The following ROBO2 variants were observed in gnomAD, a reference collection of about 807,000 sequenced individuals.
The protein encoded by ROBO2 is roundabout guidance receptor 2, also known as roundabout homolog 2.
Under a neutral mutation model 160.8 loss-of-function variants are expected in ROBO2, and 53 were observed. The ratio of observed to expected loss-of-function variants is 0.33; its 90% CI spans 0.26 to 0.41. ROBO2 has a LOEUF of 0.41. Ranked by LOEUF, ROBO2 falls within the 10% of genes least tolerant of loss-of-function variation. The pLI, the probability that ROBO2 is intolerant of heterozygous loss-of-function variation, is 1.00. For synonymous variants in ROBO2, 664 were observed against 611.7 expected (o/e 1.09, Z -1.26); for missense variants, 1,577 against 1,722.4 (o/e 0.92, Z 1.49).
intron 2 of ROBO2, among the ~76,000 whole-genome samples, chr3:76,845,153 A>G (rs2068657899): frequency 6.6e-6 from 1 of 151,990 alleles, no homozygotes; most frequent in Non-Finnish European, 1.5e-5. Flanking sequence ...GTTAAAAAGG[A>G]TAACTTTTAT....
chr3:77,352,522 C>CT (rs2068497650), intron 2 of ROBO2, among the ~76,000 whole-genome samples: 1 of 152,002 alleles, frequency 6.6e-6, no homozygotes, highest in South Asian at 2.1e-4. Flanking sequence ...AATTGCAAGG[C>CT]TACGACATGC....
intron 2 of ROBO2, among the ~76,000 whole-genome samples, chr3:77,189,227 T>C (rs534506427): frequency 6.6e-6 from 1 of 151,992 alleles, no homozygotes; most frequent in South Asian, 2.1e-4. Flanking sequence ...TACTTTGTTT[T>C]GGTTTGAAAT....
chr3:77,457,667 C>G (rs1172017657), intron 2 of ROBO2, among the ~76,000 whole-genome samples: 2 of 151,964 alleles, frequency 1.3e-5, no homozygotes, highest in Non-Finnish European at 2.9e-5. Flanking sequence ...GAAAGACTAT[C>G]CAAAGAAGTA....
At chr3:76,188,328 A>G (rs1989418) in intron 2 of ROBO2, among the ~76,000 whole-genome samples, 116,208 of 151,892 alleles carry the variant, frequency 0.77, 45,705 homozygotes, top group Non-Finnish European at 0.87. Context: ...TTGAACACAG[A>G]GACAGACACA....
intron 2 of ROBO2, among the ~76,000 whole-genome samples, chr3:77,323,674 CT>C (rs1299253185): frequency 6.6e-6 from 1 of 151,974 alleles, no homozygotes; most frequent in African/African-American, 2.4e-5. Flanking sequence ...TTATTCTTGT[CT>C]TTTAAAGATG....
At chr3:76,095,880 TATATA>T (rs1344673015) in intron 2 of ROBO2, among the ~76,000 whole-genome samples, 2 of 151,886 alleles carry the variant, frequency 1.3e-5, no homozygotes, top group Admixed American at 1.3e-4. Flanking sequence ...ATGTGTAAAA[TATATA>T]ATACTAAGCT....
At position 76,567,763 on chromosome 3, in the gene ROBO2, C is replaced by CTGTGTGTGTGTG. The variant is rs71101900; in HGVS notation, c.110-530227_110-530216dup. On this transcript the variant is annotated intron_variant, in intron 2 of 26. Coordinates refer to the ROBO2 transcript ENST00000487694. Reference sequence around the variant, plus strand: ...CTGTTTTATATATATATATATCTGTCTGTGTGTGTGTGTGTGTGTGTGTGT... The same window carrying CTGTGTGTGTGTG: ...CTGTTTTATATATATATATATCTGTCTGTGTGTGTGTGTGTGTGTGTGTGTGTGTGTGTGTGT... Among the ~76,000 whole-genome samples the CTGTGTGTGTGTG allele has an allele frequency of 2.1e-3, 188 of 88,356 alleles. 1 individual carries two copies. Among genetic ancestry groups the CTGTGTGTGTGTG allele is most frequent in the African/African-American group, 5.1e-3 (116 of 22,568 alleles). The allele number at this position is 88,356 out of a possible 152,430, so 58.0% of individuals were successfully genotyped here.
intron 2 of ROBO2, among the ~76,000 whole-genome samples, chr3:76,918,908 C>G (rs1056598792): frequency 6.6e-6 from 1 of 151,616 alleles, no homozygotes; most frequent in Non-Finnish European, 1.5e-5. Context: ...TTGCATTTCT[C>G]TAATGATCAG....
At chr3:77,508,279 A>G (rs904706330) in intron 5 of ROBO2, among the ~76,000 whole-genome samples, 5 of 148,722 alleles carry the variant, frequency 3.4e-5, no homozygotes, top group Non-Finnish European at 7.4e-5. Context: ...ATATGTATTT[A>G]TATAGTATAT....
intron 2 of ROBO2, among the ~76,000 whole-genome samples, chr3:76,252,386 T>C (rs927903988): frequency 6.6e-6 from 1 of 152,092 alleles, no homozygotes; most frequent in Admixed American, 6.6e-5. Flanking sequence ...TTGATGCTGC[T>C]CAATGAATGA....
chr3:77,070,183 A>G (rs535266626), intron 1 of ROBO2, among the ~76,000 whole-genome samples: 2 of 152,288 alleles, frequency 1.3e-5, no homozygotes, highest in Admixed American at 6.5e-5. Flanking sequence ...AATAGAAGGA[A>G]CCAACTCTGC....
chr3:77,400,532 G>A (rs1049840820), intron 2 of ROBO2, among the ~76,000 whole-genome samples: 13 of 152,068 alleles, frequency 8.5e-5, no homozygotes, highest in Admixed American at 2.6e-4. Flanking sequence ...AACACATTCG[G>A]TTCGTTTAAG....
At chr3:77,495,548 C>T (rs1196151260) in intron 5 of ROBO2, among the ~76,000 whole-genome samples, 1 of 152,192 alleles carries the variant, frequency 6.6e-6, no homozygotes, top group Non-Finnish European at 1.5e-5. Flanking sequence ...TCTCTCCAGT[C>T]TCCTCCGTCC....
At chr3:76,477,597 T>G (rs944472263) in intron 2 of ROBO2, among the ~76,000 whole-genome samples, 36 of 152,136 alleles carry the variant, frequency 2.4e-4, no homozygotes, top group African/African-American at 8.7e-4. Flanking sequence ...AAAACTATCT[T>G]AATAACATGT....
rs1231326320 is a variant in ROBO2 at position 77,246,316 on chromosome 3, AGTGTAT to A, written c.388+147987_388+147992del. ...TTGAATTTGGTTACAAACTACTGAG[AGTGTAT>A]GTGTATGTGTGTGTGTGTGTGTGTG... On this transcript the variant is annotated intron_variant, in intron 2 of 25. Transcript: ENST00000461745. Among the ~76,000 whole-genome samples, 14 of 116,540 alleles carry A rather than the reference AGTGTAT, an allele frequency of 1.2e-4. No homozygotes were observed. The East Asian group carries it at 3.4e-3, about 28-fold the overall frequency. The allele number at this position is 116,540 out of a possible 152,430, so 76.5% of individuals were successfully genotyped here.
chr3:77,439,287 C>T (rs1370147921), intron 2 of ROBO2, among the ~76,000 whole-genome samples: 2 of 151,970 alleles, frequency 1.3e-5, no homozygotes, highest in African/African-American at 4.8e-5. Flanking sequence ...TTCATTGAAA[C>T]AGTCATCTGC....
intron 2 of ROBO2, among the ~76,000 whole-genome samples, chr3:77,355,912 A>T (rs1452415374): frequency 6.9e-6 from 1 of 145,528 alleles, no homozygotes; most frequent in Non-Finnish European, 1.5e-5. Flanking sequence ...TCAATCTCTG[A>T]GACAGATAAT....
intron 2 of ROBO2, among the ~76,000 whole-genome samples, chr3:77,411,931 AT>A (rs1214595315): frequency 6.6e-6 from 1 of 152,134 alleles, no homozygotes; most frequent in Non-Finnish European, 1.5e-5. Context: ...AAATGTTCAA[AT>A]TACATTTTTC....
At chr3:76,193,173 G>A (rs1702094821) in intron 2 of ROBO2, among the ~76,000 whole-genome samples, 1 of 151,994 alleles carries the variant, frequency 6.6e-6, no homozygotes, top group African/African-American at 2.4e-5. Context: ...TTATCTGTAA[G>A]AATTATCTTG....
Sources: gnomAD v4.1 joint callset for allele counts (sites outside exome capture counted in the v4.1 genomes callset) on GRCh38, gnomAD v4.1.1 for gene constraint, MANE v1.5 for transcripts, NCBI Gene and HGNC (gene_info 2026-07-23, HGNC 2026-07-21) for gene names.